The following SUPT20H variants were observed in gnomAD, a reference collection of about 807,000 sequenced individuals.
SUPT20H encodes SPT20 homolog, SAGA complex component.
SUPT20H carries 82 observed loss-of-function variants against 122.8 expected under a neutral mutation model. That is an observed-to-expected ratio of 0.67 (90% CI 0.56 to 0.80). The LOEUF (loss-of-function observed/expected upper bound fraction) is 0.80. Ranked by LOEUF, SUPT20H falls within the 30% of genes least tolerant of loss-of-function variation. The pLI is 0.00. For synonymous variants in SUPT20H, 291 were observed against 313.0 expected (o/e 0.93, Z 0.74); for missense variants, 831 against 921.6 (o/e 0.90, Z 1.27).
intron 12 of SUPT20H, among the ~76,000 whole-genome samples, chr13:37,030,628 G>A (rs2063126545): frequency 6.6e-6 from 1 of 152,162 alleles, no homozygotes; most frequent in African/African-American, 2.4e-5. Flanking sequence ...TGTGAGAAAT[G>A]CATCTTAGCA....
At chr13:37,030,456 C>CT (rs1298757473) in intron 12 of SUPT20H, among the ~76,000 whole-genome samples, 2 of 152,078 alleles carry the variant, frequency 1.3e-5, no homozygotes, top group African/African-American at 4.8e-5. Context: ...ATGTCTGTCC[C>CT]TTAGAAATCC....
intron 3 of SUPT20H, among the ~76,000 whole-genome samples, chr13:37,048,145 T>C (rs1007505905): frequency 1.8e-4 from 28 of 152,182 alleles, no homozygotes; most frequent in Non-Finnish European, 2.8e-4. Flanking sequence ...GAGTATTTCA[T>C]TGCCATAAGC....
At chr13:37,025,986 C>G (rs1339210903) in intron 16 of SUPT20H, 1 of 388,030 alleles carries the variant, frequency 2.6e-6, no homozygotes, top group South Asian at 1.1e-4. Flanking sequence ...AGATATTTTT[C>G]TAGAATCAGT....
At chr13:37,038,666 T>C (rs1324860298) in intron 9 of SUPT20H, 1 of 152,244 alleles carries the variant, frequency 6.6e-6, no homozygotes, top group Non-Finnish European at 1.5e-5. Flanking sequence ...CTGAACACTT[T>C]TGTGAGTGGA....
rs956918998 is a variant in SUPT20H, at chr13:37,059,582, G to C, written c.-117C>G. 4 of 152,386 alleles carry C rather than the reference G, an allele frequency of 2.6e-5. No homozygotes were observed. Among genetic ancestry groups the C allele is most frequent in the Admixed American group, 2.6e-4 (4 of 15,286 alleles). 9.4% of individuals were successfully genotyped at this position (152,386 alleles called of 1,614,324 possible). A position where few individuals can be genotyped will look rare whatever the true frequency, so the allele number is the denominator to read the frequency against. ...ACCTGTGCGGGTCGCCTCGCCGCTA[G>C]GCCCCAAGACGGCGCCGCCTGCTCG... On this transcript the variant is annotated 5_prime_UTR_variant, in exon 1 of 26. Transcript: ENST00000350612.
At chr13:37,042,729 G>A (rs1290994062) in intron 7 of SUPT20H, among the ~76,000 whole-genome samples, 1 of 152,174 alleles carries the variant, frequency 6.6e-6, no homozygotes, top group Non-Finnish European at 1.5e-5. Context: ...AATGAGATAG[G>A]TGGTGGAAAG....
intron 1 of SUPT20H, among the ~76,000 whole-genome samples, chr13:37,052,566 A>C (rs1482571588): frequency 6.6e-6 from 1 of 152,204 alleles, no homozygotes; most frequent in Non-Finnish European, 1.5e-5. Context: ...TAAAACCATA[A>C]ACCATAAAAA....
intron 9 of SUPT20H, among the ~76,000 whole-genome samples, chr13:37,033,849 T>C (rs1201950128): frequency 6.6e-6 from 1 of 152,268 alleles, no homozygotes; most frequent in African/African-American, 2.4e-5. Context: ...ATTGAAGATC[T>C]GTGGCAATTT....
At chr13:37,040,095 G>GT (rs894484354) in intron 9 of SUPT20H, 9 of 207,118 alleles carry the variant, frequency 4.3e-5, no homozygotes, top group African/African-American at 2.1e-4. Flanking sequence ...AAAAAAACCA[G>GT]TATCTATTTG....
At chr13:37,014,456 T>C (rs531457901) in intron 23 of SUPT20H, among the ~76,000 whole-genome samples, 4 of 152,236 alleles carry the variant, frequency 2.6e-5, no homozygotes, top group Non-Finnish European at 4.4e-5. Flanking sequence ...GGAGTATTCA[T>C]CAAGACAGAT....
chr13:37,055,496 G>A (rs1003262865), intron 1 of SUPT20H, among the ~76,000 whole-genome samples: 2 of 152,120 alleles, frequency 1.3e-5, no homozygotes. Flanking sequence ...TGACAAACCT[G>A]ACCAAAACAA....
rs766826291 is a variant in SUPT20H, at chr13:37,009,767, C to T, written c.2245G>A (p.Ala749Thr). 7.4e-6 allele frequency: 12 copies of T among 1,613,560 alleles called. No individual in the cohort carries two copies. Among genetic ancestry groups the T allele is most frequent in the East Asian group, 4.5e-5 (2 of 44,862 alleles). The part of the protein sequence containing the change: ...LQHQMAMAAA[A>T]AQTAQLHHHR... ...TGATGTAGCTGAGCTGTTTGTGCTG[C>T]TGCTGCTGCCATAGCCATTTGATGC... The change falls in exon 26 of 26, where the codon GCA becomes ACA. Residue 749 changes from alanine (A) to threonine (T), a missense_variant. Transcript: ENST00000350612.
intron 5 of SUPT20H, chr13:37,046,997 A>G (rs2066597010): frequency 6.6e-6 from 1 of 152,254 alleles, no homozygotes; most frequent in African/African-American, 2.4e-5. Flanking sequence ...GCTCCAAGAC[A>G]TCAATAAATC....
chr13:37,029,532 T>A (rs888573486), intron 13 of SUPT20H, among the ~76,000 whole-genome samples: 36 of 151,456 alleles, frequency 2.4e-4, no homozygotes, highest in African/African-American at 8.7e-4. Flanking sequence ...TCTCAAAAAA[T>A]TAAAATAAAA....
intron 3 of SUPT20H, 102 bp downstream of exon 3, chr13:37,048,462 G>T: frequency 9.7e-7 from 1 of 1,035,172 alleles, no homozygotes; most frequent in Non-Finnish European, 1.4e-6. Flanking sequence ...TCCTAAAATA[G>T]TAATGTGCTC....
At chr13:37,024,218 C>T (rs1417612145) in intron 18 of SUPT20H, 25 bp from the exon 19 acceptor site, 3 of 1,583,474 alleles carry the variant, frequency 1.9e-6, no homozygotes, top group Non-Finnish European at 2.6e-6. Flanking sequence ...AAGTTATTTC[C>T]TAAATTTATA....
At chr13:37,040,340 C>T in intron 9 of SUPT20H, 65 bp downstream of exon 9, 2 of 1,358,660 alleles carry the variant, frequency 1.5e-6, no homozygotes, top group Admixed American at 2.5e-5. Context: ...ATCACTTTTG[C>T]TTAATGATAA....
intron 13 of SUPT20H, among the ~76,000 whole-genome samples, chr13:37,028,535 T>A (rs563798107): frequency 1.3e-5 from 2 of 152,134 alleles, no homozygotes; most frequent in African/African-American, 4.8e-5. Context: ...CATTAACATA[T>A]ACTATGAAGT....
At chr13:37,028,535 T>C (rs563798107) in intron 13 of SUPT20H, among the ~76,000 whole-genome samples, 62 of 152,250 alleles carry the variant, frequency 4.1e-4, no homozygotes, top group Non-Finnish European at 5.4e-4. Context: ...CATTAACATA[T>C]ACTATGAAGT....
Sources: gnomAD v4.1 joint callset for allele counts (sites outside exome capture counted in the v4.1 genomes callset) on GRCh38, gnomAD v4.1.1 for gene constraint, MANE v1.5 for transcripts, NCBI Gene and HGNC (gene_info 2026-07-23, HGNC 2026-07-21) for gene names.